RELN: variants seen among roughly 807,000 people sequenced by gnomAD.
The protein encoded by RELN is reelin.
RELN carries 108 observed loss-of-function variants against 427.6 expected under a neutral mutation model. That is an observed-to-expected ratio of 0.25 (90% CI 0.22 to 0.30). RELN has a LOEUF of 0.30. Among genes scored for constraint, RELN ranks in the 10% least tolerant of loss-of-function variants. The pLI, the probability that RELN is intolerant of heterozygous loss-of-function variation, is 1.00. For synonymous variants in RELN, 1,524 were observed against 1,513.4 expected (o/e 1.01, Z -0.16); for missense variants, 3,715 against 4,302.8 (o/e 0.86, Z 3.82).
At chr7:103,590,562 CAATAAATAAATA>C (rs3056325) in intron 27 of RELN, among the ~76,000 whole-genome samples, 25 of 36,184 alleles carry the variant, frequency 6.9e-4, no homozygotes, top group Non-Finnish European at 1.1e-3. Flanking sequence ...TCCATCTCAA[CAATAAATAAATA>C]AATAAATAAA....
chr7:103,908,997 G>A (rs911307654), intron 2 of RELN, among the ~76,000 whole-genome samples: 2 of 152,098 alleles, frequency 1.3e-5, no homozygotes, highest in African/African-American at 4.8e-5. Context: ...ATTTACTTCC[G>A]TGTTTCTTTG....
Position 103,574,224 on chromosome 7 carries a change from G to A in RELN, c.4379C>T (p.Pro1460Leu). Residue 1460 changes from proline (P) to leucine (L), a missense_variant, in exon 30 of 65, where the codon CCT becomes CTT. Transcript: ENST00000428762. The part of the protein sequence containing the change: ...MFDRFEGKLS[P>L]LWYKITGAQV... ...GGCACCTGTTATCTTGTACCACAGAGGGCTGAGCTTCCCCTCAAACCTATC... is the reference window on the plus strand; with the variant it reads ...GGCACCTGTTATCTTGTACCACAGAAGGCTGAGCTTCCCCTCAAACCTATC... The A allele has an allele frequency of 6.2e-7, 1 of 1,614,136 alleles. No individual in the cohort carries two copies. The highest frequency in any genetic ancestry group is 8.5e-7 in the Non-Finnish European group (1 of 1,180,010).
At chr7:103,930,399 C>G (rs1001374937) in intron 1 of RELN, among the ~76,000 whole-genome samples, 8 of 119,646 alleles carry the variant, frequency 6.7e-5, no homozygotes, top group South Asian at 5.9e-4. Context: ...ATTAGGACTT[C>G]AATATATGAA....
chr7:103,924,982 GCATACA>G (rs71930636), intron 1 of RELN, among the ~76,000 whole-genome samples: 3,072 of 42,206 alleles, frequency 0.073, 89 homozygotes, highest in South Asian at 0.17. Flanking sequence ...GTGTGCATGC[GCATACA>G]CATACACACA....
At chr7:103,520,566 G>C (rs941260208) in intron 48 of RELN, among the ~76,000 whole-genome samples, 1 of 152,076 alleles carries the variant, frequency 6.6e-6, no homozygotes, top group Non-Finnish European at 1.5e-5. Context: ...GTGAGCCACC[G>C]CGCCTGTAAA....
chr7:103,987,333 C>G (rs547549509), intron 1 of RELN, among the ~76,000 whole-genome samples: 1 of 152,262 alleles, frequency 6.6e-6, no homozygotes, highest in Admixed American at 6.5e-5. Flanking sequence ...GTTATCCATT[C>G]CTTTTCAGAC....
chr7:103,706,108 A>T (rs2115822648), intron 8 of RELN, among the ~76,000 whole-genome samples: 1 of 152,248 alleles, frequency 6.6e-6, no homozygotes, highest in East Asian at 1.9e-4. Context: ...TTTACTGGAC[A>T]TGCTATAAAT....
intron 4 of RELN, among the ~76,000 whole-genome samples, chr7:103,755,564 C>T (rs1179616419): frequency 6.0e-5 from 9 of 149,744 alleles, no homozygotes; most frequent in South Asian, 4.2e-4. Context: ...GCTAAGATCG[C>T]GCCACCGCAC....
chr7:103,928,594 T>C (rs1174315041), intron 1 of RELN, among the ~76,000 whole-genome samples: 3 of 152,216 alleles, frequency 2.0e-5, no homozygotes, highest in Non-Finnish European at 4.4e-5. Flanking sequence ...AAATTATAAT[T>C]GAATTGAATT....
chr7:103,650,222 C>T (rs1219937888), intron 16 of RELN, 52 bp downstream of exon 16: 5 of 1,099,440 alleles, frequency 4.5e-6, no homozygotes, highest in African/African-American at 3.1e-5. Context: ...AACAAAAGCA[C>T]AGGAAGACTC....
chr7:103,744,858 C>T (rs1338376363), intron 6 of RELN, among the ~76,000 whole-genome samples: 1 of 152,210 alleles, frequency 6.6e-6, no homozygotes, highest in African/African-American at 2.4e-5. Flanking sequence ...TGGTACCATT[C>T]CTTCTGAAAC....
chr7:103,925,403 A>T (rs1055538816), intron 1 of RELN, among the ~76,000 whole-genome samples: 2 of 152,102 alleles, frequency 1.3e-5, no homozygotes, highest in Non-Finnish European at 2.9e-5. Context: ...ATAACCCAAA[A>T]TTTTTTTCTT....
intron 27 of RELN, among the ~76,000 whole-genome samples, chr7:103,591,168 C>T (rs1477300256): frequency 1.3e-5 from 2 of 152,182 alleles, no homozygotes; most frequent in Non-Finnish European, 2.9e-5. Context: ...TAATTACCTG[C>T]CATCTTATAT....
At chr7:103,921,261 T>C (rs181698712) in intron 1 of RELN, among the ~76,000 whole-genome samples, 2 of 152,320 alleles carry the variant, frequency 1.3e-5, no homozygotes, top group Admixed American at 6.5e-5. Flanking sequence ...AAGTTATCCA[T>C]ATCAGACACC....
chr7:103,802,430 T>C (rs937262078), intron 3 of RELN, among the ~76,000 whole-genome samples: 2 of 152,174 alleles, frequency 1.3e-5, no homozygotes, highest in African/African-American at 2.4e-5. Flanking sequence ...GGATTATTAC[T>C]GTAAAACAAA....
intron 41 of RELN, among the ~76,000 whole-genome samples, chr7:103,549,542 G>C (rs1411645889): frequency 6.6e-6 from 1 of 152,168 alleles, no homozygotes; most frequent in African/African-American, 2.4e-5. Context: ...CCTGCTCATA[G>C]GCATGGTTTT....
rs759408642 is a variant in RELN, at chr7:103,539,109, A to G, written c.7149T>C (p.Ala2383=). The change falls in exon 45 of 65, where the codon GCT becomes GCC. Residue 2383 remains alanine (A), a synonymous_variant. Transcript: ENST00000428762. ...NEDSFLQIDF[A]ASCSVTDSCY... ...AAGAGTCTGTGACTGAGCAGGAGGCAGCGAAGTCTATCTGTAGGAAGGAAT... is the reference window on the plus strand; with the variant it reads ...AAGAGTCTGTGACTGAGCAGGAGGCGGCGAAGTCTATCTGTAGGAAGGAAT... 4 of 1,614,200 alleles carry G rather than the reference A, an allele frequency of 2.5e-6. No homozygotes were observed. The highest frequency in any genetic ancestry group is 2.7e-5 in the African/African-American group (2 of 75,056).
chr7:103,720,578 C>T (rs528550457), intron 8 of RELN, among the ~76,000 whole-genome samples: 37 of 152,168 alleles, frequency 2.4e-4, no homozygotes, highest in South Asian at 1.5e-3. Flanking sequence ...GAGAATTCCA[C>T]AGTACACAAG....
chr7:103,592,127 C>T (rs1831429919), intron 27 of RELN, among the ~76,000 whole-genome samples: 1 of 151,996 alleles, frequency 6.6e-6, no homozygotes, highest in South Asian at 2.1e-4. Flanking sequence ...GTACAGATCA[C>T]TTTGTCACCC....
Sources: allele counts gnomAD v4.1 joint callset (sites outside exome capture counted in the v4.1 genomes callset), GRCh38; gene constraint gnomAD v4.1.1; transcripts MANE v1.5; gene names NCBI Gene and HGNC (gene_info 2026-07-23, HGNC 2026-07-21).